Variants in DEPTOR observed in about 807,000 individuals in gnomAD.
DEPTOR encodes DEP domain-containing mTOR-interacting protein.
A neutral mutation model predicts 41.6 loss-of-function variants in DEPTOR; 41 were observed. The observed-to-expected ratio is 0.98, with a 90% CI of 0.77 to 1.28. The LOEUF (loss-of-function observed/expected upper bound fraction) is 1.28. Ranked by LOEUF, DEPTOR falls within the 50% of genes most tolerant of loss-of-function variation. The probability of loss-of-function intolerance (pLI) is 0.00; values close to 1 mark genes in which losing one functional copy is unlikely to be tolerated. For synonymous variants in DEPTOR, 195 were observed against 192.3 expected (o/e 1.01, Z -0.12); for missense variants, 514 against 527.9 (o/e 0.97, Z 0.26).
chr8:119,975,797 C>T (rs968948257), intron 4 of DEPTOR, among the ~76,000 whole-genome samples: 4 of 150,966 alleles, frequency 2.6e-5, no homozygotes, highest in Non-Finnish European at 4.4e-5. Context: ...CTAACAGTGC[C>T]GACCTAGCCT....
intron 6 of DEPTOR, 47 bp from the exon 7 acceptor site, chr8:120,006,758 A>G (rs756218029): frequency 1.9e-6 from 3 of 1,557,166 alleles, no homozygotes; most frequent in East Asian, 2.2e-5. Context: ...ATGCATGGAT[A>G]GAGGACTTGG....
rs1380117238 is a variant in DEPTOR, at chr8:120,050,436, T to G, written c.*732T>G. The G allele has an allele frequency of 6.6e-6, 1 of 152,220 alleles. No individual in the cohort carries two copies. Among genetic ancestry groups the G allele is most frequent in the Admixed American group, 6.5e-5 (1 of 15,280 alleles). 9.4% of individuals were successfully genotyped at this position (152,220 alleles called of 1,614,324 possible). On this transcript the variant is annotated 3_prime_UTR_variant, in exon 9 of 9. Transcript: ENST00000286234. ...GTTTTATAAATCAGCTATAGCATCT[T>G]TCTAGAATTAATCCTGAATATGTTG...
chr8:119,972,588 A>G (rs966695886), intron 4 of DEPTOR, among the ~76,000 whole-genome samples: 1 of 150,740 alleles, frequency 6.6e-6, no homozygotes, highest in Admixed American at 6.7e-5. Flanking sequence ...ATGCCACTGC[A>G]CTCCAGCCTT....
At chr8:120,007,530 T>G (rs2037343) in intron 7 of DEPTOR, among the ~76,000 whole-genome samples, 1 of 151,990 alleles carries the variant, frequency 6.6e-6, no homozygotes, top group South Asian at 2.1e-4. Flanking sequence ...GAAAGTGCTC[T>G]TTTCAGCATC....
intron 4 of DEPTOR, 38 bp downstream of exon 4, chr8:119,965,448 A>G: frequency 6.3e-7 from 1 of 1,596,444 alleles, no homozygotes; most frequent in South Asian, 1.1e-5. Flanking sequence ...AGGAACAAAC[A>G]GCCAGCCCCA....
At chr8:119,959,338 A>T (rs1275407097) in intron 3 of DEPTOR, among the ~76,000 whole-genome samples, 6 of 149,090 alleles carry the variant, frequency 4.0e-5, no homozygotes, top group African/African-American at 1.2e-4. Context: ...AATTTTTGTA[A>T]ATTTAGTAGA....
intron 4 of DEPTOR, among the ~76,000 whole-genome samples, chr8:119,971,592 A>G (rs1828634739): frequency 6.6e-6 from 1 of 152,188 alleles, no homozygotes; most frequent in South Asian, 2.1e-4. Context: ...AACCAGAGGT[A>G]AATTGTTTTC....
chr8:119,974,171 G>T (rs904238499), intron 4 of DEPTOR, among the ~76,000 whole-genome samples: 3 of 149,400 alleles, frequency 2.0e-5, no homozygotes, highest in African/African-American at 7.4e-5. Context: ...AGCTGAGTGG[G>T]GAGGATTGCT....
chr8:119,989,708 A>G (rs1019778022), intron 4 of DEPTOR, among the ~76,000 whole-genome samples: 3 of 152,244 alleles, frequency 2.0e-5, no homozygotes, highest in Non-Finnish European at 4.4e-5. Context: ...TGCACAGGCT[A>G]TCTATCACTC....
At chr8:119,898,348 C>T (rs1827546507) in intron 1 of DEPTOR, among the ~76,000 whole-genome samples, 1 of 152,144 alleles carries the variant, frequency 6.6e-6, no homozygotes, top group African/African-American at 2.4e-5. Context: ...AAATTGTTGG[C>T]ATTCTCCCAA....
At chr8:120,011,100 C>T (rs1812525888) in intron 8 of DEPTOR, among the ~76,000 whole-genome samples, 1 of 152,214 alleles carries the variant, frequency 6.6e-6, no homozygotes, top group Admixed American at 6.5e-5. Context: ...GGATCGCCAC[C>T]TCTCTGATTT....
intron 8 of DEPTOR, among the ~76,000 whole-genome samples, chr8:120,030,497 G>GTTTGTTTTTTTTTTTTTTTT (rs1207108457): frequency 8.7e-5 from 4 of 46,216 alleles, no homozygotes; most frequent in South Asian, 1.2e-3. Context: ...AGGTTCATCA[G>GTTTGTTTTTTTTTTTTTTTT]TTTTTTTTTT....
intron 4 of DEPTOR, among the ~76,000 whole-genome samples, chr8:120,000,897 G>A (rs920606202): frequency 6.6e-6 from 1 of 151,726 alleles, no homozygotes; most frequent in African/African-American, 2.4e-5. Context: ...GGCCAACATG[G>A]TGCAACCCCG....
At chr8:120,030,109 A>G (rs1274285478) in intron 8 of DEPTOR, among the ~76,000 whole-genome samples, 1 of 152,066 alleles carries the variant, frequency 6.6e-6, no homozygotes, top group African/African-American at 2.4e-5. Context: ...ATATCCTCGT[A>G]AGCCTGGGGG....
At chr8:119,876,854 G>A (rs1827237431) in intron 1 of DEPTOR, among the ~76,000 whole-genome samples, 1 of 152,180 alleles carries the variant, frequency 6.6e-6, no homozygotes, top group Admixed American at 6.6e-5. Flanking sequence ...GAAGATGAAT[G>A]TATTTCATGG....
At chr8:119,893,679 A>C (rs13249122) in intron 1 of DEPTOR, among the ~76,000 whole-genome samples, 75,290 of 151,866 alleles carry the variant, frequency 0.5, 20,367 homozygotes, top group East Asian at 0.92. Flanking sequence ...AAATACAAAA[A>C]TTAGTGGGTG....
intron 1 of DEPTOR, among the ~76,000 whole-genome samples, chr8:119,888,809 T>G (rs1038552921): frequency 1.4e-5 from 2 of 142,542 alleles, no homozygotes; most frequent in African/African-American, 5.4e-5. Flanking sequence ...TGAGCAGAGA[T>G]TATGCCATTG....
At chr8:119,918,938 A>AGTGTGTGT (rs751715374) in intron 1 of DEPTOR, among the ~76,000 whole-genome samples, 1,914 of 133,520 alleles carry the variant, frequency 0.014, 25 homozygotes, top group South Asian at 0.029. Context: ...TTGCATAGTG[A>AGTGTGTGT]GTGTGTGTGT....
rs1812971526 is a variant in DEPTOR at position 120,035,790 on chromosome 8, C to T, written c.1102-13786C>T. Among the ~76,000 whole-genome samples, 2 of 152,334 alleles carry T rather than the reference C, an allele frequency of 1.3e-5. 1 individual carries two copies. Among genetic ancestry groups the T allele is most frequent in the South Asian group, 4.1e-4 (2 of 4,832 alleles). On this transcript the variant is annotated intron_variant, in intron 8 of 8. Coordinates refer to ENST00000286234, the MANE Select transcript of DEPTOR (RefSeq NM_022783.4). Reference sequence around the variant, plus strand: ...CAGGTGATCCACCTGCCTCGGCCTCCCAAAGTGCTGGGATTACAGGCATGA... The same window carrying T: ...CAGGTGATCCACCTGCCTCGGCCTCTCAAAGTGCTGGGATTACAGGCATGA...
Sources: allele counts gnomAD v4.1 joint callset (sites outside exome capture counted in the v4.1 genomes callset), GRCh38; gene constraint gnomAD v4.1.1; transcripts MANE v1.5; gene names NCBI Gene and HGNC (gene_info 2026-07-23, HGNC 2026-07-21).